PDGFD: variants seen among roughly 807,000 people sequenced by gnomAD.
PDGFD encodes platelet derived growth factor D, also known as platelet-derived growth factor D.
PDGFD carries 30 observed loss-of-function variants against 44.7 expected under a neutral mutation model. That is an observed-to-expected ratio of 0.67 (90% CI 0.50 to 0.91). The LOEUF (loss-of-function observed/expected upper bound fraction) is 0.91, where lower values mean the gene tolerates loss of function less well. PDGFD is among the 40% of genes least tolerant of loss of function. The pLI is 0.00. For synonymous variants in PDGFD, 173 were observed against 168.4 expected, an observed-to-expected ratio of 1.03 and a Z score of -0.21; for missense variants, 445 against 457.8, an observed-to-expected ratio of 0.97 and a Z score of 0.25.
intron 2 of PDGFD, among the ~76,000 whole-genome samples, chr11:103,997,068 A>G (rs1040197556): frequency 1.3e-5 from 2 of 152,212 alleles, no homozygotes; most frequent in African/African-American, 4.8e-5. Flanking sequence ...CCTCAGTAAC[A>G]TAGTTTACAT....
intron 1 of PDGFD, among the ~76,000 whole-genome samples, chr11:104,124,787 T>A (rs1861820201): frequency 6.6e-6 from 1 of 152,006 alleles, no homozygotes; most frequent in Non-Finnish European, 1.5e-5. Context: ...CATGCAGGCT[T>A]CCCTGTTCAC....
intron 1 of PDGFD, among the ~76,000 whole-genome samples, chr11:104,122,147 T>C (rs1053179605): frequency 5.3e-5 from 8 of 151,782 alleles, no homozygotes; most frequent in African/African-American, 1.9e-4. Context: ...AAAATCAAAC[T>C]GTAAACATAG....
intron 1 of PDGFD, among the ~76,000 whole-genome samples, chr11:104,154,600 G>A (rs1393036942): frequency 5.3e-5 from 8 of 152,166 alleles, no homozygotes; most frequent in African/African-American, 1.7e-4. Context: ...CAACTTTTGC[G>A]TATTGTGGGA....
chr11:103,995,671 C>A (rs1197970722), intron 3 of PDGFD, among the ~76,000 whole-genome samples: 4 of 152,170 alleles, frequency 2.6e-5, no homozygotes, highest in Non-Finnish European at 5.9e-5. Context: ...AGAACTTATA[C>A]ACAAATTTTC....
At chr11:104,024,660 G>T (rs1162093955) in intron 1 of PDGFD, among the ~76,000 whole-genome samples, 1 of 152,140 alleles carries the variant, frequency 6.6e-6, no homozygotes, top group African/African-American at 2.4e-5. Context: ...AGGTTATGTA[G>T]GTTTGGCTAA....
At chr11:103,919,320 TA>T (rs1404173372) in intron 6 of PDGFD, among the ~76,000 whole-genome samples, 1 of 152,156 alleles carries the variant, frequency 6.6e-6, no homozygotes, top group Non-Finnish European at 1.5e-5. Context: ...TTTACACTAA[TA>T]AAACAATACC....
intron 1 of PDGFD, among the ~76,000 whole-genome samples, chr11:104,153,351 G>T (rs1453555666): frequency 6.6e-6 from 1 of 152,180 alleles, no homozygotes; most frequent in African/African-American, 2.4e-5. Context: ...GCCAGCCAAT[G>T]AAATGGACAG....
At chr11:103,960,593 G>T (rs1272592039) in intron 3 of PDGFD, among the ~76,000 whole-genome samples, 3 of 152,148 alleles carry the variant, frequency 2.0e-5, no homozygotes, top group Non-Finnish European at 4.4e-5. Context: ...GTGTTGTCTA[G>T]ATTAATTCTA....
intron 5 of PDGFD, among the ~76,000 whole-genome samples, chr11:103,930,915 C>T (rs1304934547): frequency 1.3e-5 from 2 of 152,170 alleles, no homozygotes; most frequent in Non-Finnish European, 2.9e-5. Flanking sequence ...TAAAACATTT[C>T]GTCCTTTTAT....
intron 3 of PDGFD, among the ~76,000 whole-genome samples, chr11:103,990,910 C>T (rs555518292): frequency 7.9e-5 from 12 of 152,094 alleles, no homozygotes; most frequent in East Asian, 3.9e-4. Flanking sequence ...GAGGCTGAGG[C>T]GGGCGGATCA....
chr11:104,038,923 T>C (rs901704814), intron 1 of PDGFD: 3 of 167,040 alleles, frequency 1.8e-5, no homozygotes, highest in Non-Finnish European at 4.4e-5. Context: ...GCTACATCAG[T>C]ATTGTTTGAA....
chr11:104,059,599 A>G (rs942237492), intron 1 of PDGFD, among the ~76,000 whole-genome samples: 3 of 152,322 alleles, frequency 2.0e-5, no homozygotes, highest in South Asian at 4.1e-4. Flanking sequence ...TACATTATAA[A>G]AACTCCCACT....
intron 1 of PDGFD, among the ~76,000 whole-genome samples, chr11:104,074,344 C>T (rs1860923261): frequency 6.6e-6 from 1 of 152,150 alleles, no homozygotes; most frequent in African/African-American, 2.4e-5. Flanking sequence ...GTTTGTTTTG[C>T]AGTAGTATTG....
At chr11:104,155,981 T>C (rs1394041476) in intron 1 of PDGFD, among the ~76,000 whole-genome samples, 2 of 152,174 alleles carry the variant, frequency 1.3e-5, no homozygotes, top group Non-Finnish European at 2.9e-5. Context: ...GATCCTAATA[T>C]ATACAACATA....
chr11:104,146,176 T>C (rs1862159804), intron 1 of PDGFD, among the ~76,000 whole-genome samples: 1 of 152,234 alleles, frequency 6.6e-6, no homozygotes, highest in Non-Finnish European at 1.5e-5. Context: ...GACACAACTC[T>C]CTTTTTTGTA....
chr11:103,953,411 G>C (rs1462685905), intron 3 of PDGFD, among the ~76,000 whole-genome samples: 1 of 152,068 alleles, frequency 6.6e-6, no homozygotes, highest in Non-Finnish European at 1.5e-5. Flanking sequence ...ATATATGAAT[G>C]AAGCAGGACT....
chr11:104,080,751 A>C (rs1209754217), intron 1 of PDGFD, among the ~76,000 whole-genome samples: 1 of 152,200 alleles, frequency 6.6e-6, no homozygotes, highest in African/African-American at 2.4e-5. Flanking sequence ...ATAGTGAATA[A>C]GTTGAAAGTG....
At chr11:104,114,402 A>G (rs996248635) in intron 1 of PDGFD, among the ~76,000 whole-genome samples, 3 of 152,058 alleles carry the variant, frequency 2.0e-5, no homozygotes, top group East Asian at 1.9e-4. Flanking sequence ...TCACTTGACT[A>G]TAATTATATG....
intron 3 of PDGFD, among the ~76,000 whole-genome samples, chr11:103,989,348 ATGT>A (rs1005008626): frequency 1.2e-4 from 18 of 152,342 alleles, no homozygotes; most frequent in African/African-American, 4.1e-4. Flanking sequence ...TTCTTAAAGA[ATGT>A]GTGCTTCAAC....
Sources: gnomAD v4.1 joint callset for allele counts (sites outside exome capture counted in the v4.1 genomes callset) on GRCh38, gnomAD v4.1.1 for gene constraint, MANE v1.5 for transcripts, NCBI Gene and HGNC (gene_info 2026-07-23, HGNC 2026-07-21) for gene names.